Variants in MRC2 observed in about 807,000 individuals in gnomAD.
MRC2 encodes the protein mannose receptor C-type 2.
Under a neutral mutation model 206.2 loss-of-function variants are expected in MRC2, and 84 were observed. That is an observed-to-expected ratio of 0.41 (90% confidence interval 0.34 to 0.49). The LOEUF is 0.49. Ranked by LOEUF, MRC2 falls within the 20% of genes least tolerant of loss-of-function variation. The pLI is 0.31. For missense variants in MRC2, 1,676 were observed against 2,001.5 expected, an observed-to-expected ratio of 0.84 and a Z score of 3.10; for synonymous variants, 798 against 800.0, an observed-to-expected ratio of 1.00 and a Z score of 0.04.
chr17:62,668,344 G>A (rs953875991), intron 6 of MRC2, among the ~76,000 whole-genome samples: 102 of 145,758 alleles, frequency 7.0e-4, no homozygotes, highest in African/African-American at 2.6e-3. Flanking sequence ...AGAGCGAGAC[G>A]AGACCCTGCC....
chr17:62,653,327 C>A (rs2088579971), intron 1 of MRC2, among the ~76,000 whole-genome samples: 1 of 152,082 alleles, frequency 6.6e-6, no homozygotes, highest in South Asian at 2.1e-4. Flanking sequence ...CAGAGAACCC[C>A]AGGGGCGGGG....
chr17:62,672,121 G>A lies in MRC2; in HGVS notation c.1430G>A (p.Ser477Asn). 1.9e-6 allele frequency: 3 copies of A among 1,614,110 alleles called. No individual in the cohort carries two copies. Among genetic ancestry groups the A allele is most frequent in the Non-Finnish European group, 2.5e-6 (3 of 1,180,034 alleles). ...TTTGAGCCCAACAACTTCCGGGACAGTCTGGAGGACTGTGTCACCATCTGG... is the reference window on the plus strand; with the variant it reads ...TTTGAGCCCAACAACTTCCGGGACAATCTGGAGGACTGTGTCACCATCTGG... ...HPFEPNNFRD[S>N]LEDCVTIWGP... The change falls in exon 8 of 30, where the codon AGT becomes AAT. Residue 477 changes from serine (S) to asparagine (N), a missense_variant. Ser to Asn is a conservative substitution (Grantham distance 46). This residue lies in a region of MRC2 where 1,354 missense variants were observed against 1,636.6 expected (regional missense o/e 0.83). Coordinates refer to ENST00000303375, the MANE Select transcript of MRC2 (RefSeq NM_006039.5). This position sits in a 1 kb window ranked among gnomAD's most constrained non-coding sequence, Gnocchi z 4.5.
intron 1 of MRC2, among the ~76,000 whole-genome samples, chr17:62,636,461 A>ATTTTTTT (rs60774612): frequency 6.5e-5 from 5 of 76,944 alleles, no homozygotes; most frequent in Non-Finnish European, 1.2e-4. Context: ...TAATCTTCTG[A>ATTTTTTT]TTTTTTTTTT....
chr17:62,679,380 TAGAG>T (rs373312303), intron 13 of MRC2: 233 of 165,732 alleles, frequency 1.4e-3, no homozygotes, highest in African/African-American at 5.3e-3. Flanking sequence ...TGTGGGTTGA[TAGAG>T]AGGTTATTTG....
intron 1 of MRC2, among the ~76,000 whole-genome samples, chr17:62,645,515 ATATATATATATATTTTTT>A (rs1457713192): frequency 5.9e-5 from 4 of 67,736 alleles, no homozygotes; most frequent in African/African-American, 2.4e-4. Flanking sequence ...ATATATATAT[ATATATATATATATTTTTT>A]TTTTTTTTTT....
chr17:62,689,656 A>G lies in MRC2; in HGVS notation c.3469A>G (p.Asn1157Asp), dbSNP rs1417583729. 2 of 1,594,738 alleles carry G rather than the reference A, an allele frequency of 1.3e-6. No individual in the cohort carries two copies. Among genetic ancestry groups the G allele is most frequent in the Non-Finnish European group, 8.5e-7 (1 of 1,170,784 alleles). The change falls in exon 24 of 30, where the codon AAT becomes GAT. Residue 1157 changes from asparagine to aspartate, a missense_variant. Physicochemically the swap from Asn to Asp is conservative, Grantham distance 23 (BLOSUM62 1). Transcript: ENST00000303375. ...TGCCCTCCTGCTGTGTGAGAGCCGCAATGCCAGCCTGGCCTACGTGCCCGA... is the reference window on the plus strand; with the variant it reads ...TGCCCTCCTGCTGTGTGAGAGCCGCGATGCCAGCCTGGCCTACGTGCCCGA... ...HDALLLCESR[N>D]ASLAYVPDPY...
Position 62,680,408 on chromosome 17 carries a change from G to A in MRC2, c.2438-10G>A. The A allele has an allele frequency of 6.2e-7, 1 of 1,614,118 alleles. No homozygotes were observed. The highest frequency in any genetic ancestry group is 8.5e-7 in the Non-Finnish European group (1 of 1,179,990). On this transcript the variant is annotated splice_polypyrimidine_tract_variant and intron_variant, in intron 15 of 29. Coordinates refer to ENST00000303375, the MANE Select transcript of MRC2 (RefSeq NM_006039.5). The surrounding 1 kb of genome is among the most constrained non-coding windows in gnomAD (Gnocchi z 4.8). ...CTTTCCTCACAACGTCTTTGTCCTT[G>A]TTCCCCTAGGTACGGACGTGCGGGA...
chr17:62,660,378 G>A (rs1437709091), intron 1 of MRC2, among the ~76,000 whole-genome samples: 1 of 152,178 alleles, frequency 6.6e-6, no homozygotes, highest in Non-Finnish European at 1.5e-5. Flanking sequence ...AATCCTTGGT[G>A]ACTCCTGAAC....
chr17:62,632,620 C>T (rs1335722842), intron 1 of MRC2, among the ~76,000 whole-genome samples: 2 of 152,190 alleles, frequency 1.3e-5, no homozygotes, highest in Non-Finnish European at 2.9e-5. Flanking sequence ...CCCCTCCCCT[C>T]TTCTTTCCCA....
intron 1 of MRC2, among the ~76,000 whole-genome samples, chr17:62,634,279 AAT>A (rs1199241864): frequency 6.6e-6 from 1 of 152,174 alleles, no homozygotes; most frequent in Non-Finnish European, 1.5e-5. Context: ...TGTATAAAAA[AAT>A]GGGCAGTGAG....
chr17:62,634,366 T>G (rs964313744), intron 1 of MRC2, among the ~76,000 whole-genome samples: 1 of 152,002 alleles, frequency 6.6e-6, no homozygotes, highest in African/African-American at 2.4e-5. Context: ...GATGGCGTGG[T>G]CTTGGCTCAC....
chr17:62,648,353 G>A (rs565262796), intron 1 of MRC2, among the ~76,000 whole-genome samples: 2 of 152,212 alleles, frequency 1.3e-5, no homozygotes, highest in Non-Finnish European at 2.9e-5. Context: ...GCGTGACTGC[G>A]CAAGGGTCCT....
At chr17:62,670,394 C>A (rs2147470532) in intron 6 of MRC2, among the ~76,000 whole-genome samples, 1 of 152,318 alleles carries the variant, frequency 6.6e-6, no homozygotes, top group East Asian at 1.9e-4. Flanking sequence ...AGCCAGAGAG[C>A]GAGCCCACCG....
At position 62,636,425 on chromosome 17, in the gene MRC2, A is replaced by G. The variant is rs561101632; in HGVS notation, c.118+8505A>G. ...TAATCTTCCCAACCAAGATTCCCCA[A>G]TGAAGATTAGTAGTAGTTCATTGGG... On this transcript the variant is annotated intron_variant, in intron 1 of 29. Transcript: ENST00000303375. Among the ~76,000 whole-genome samples the G allele has an allele frequency of 5.3e-5, 8 of 151,576 alleles. No individual in the cohort carries two copies. In the South Asian group the frequency reaches 1.3e-3, roughly 24 times the overall value.
chr17:62,691,719 C>T (rs1245954146), intron 28 of MRC2, among the ~76,000 whole-genome samples: 7 of 145,968 alleles, frequency 4.8e-5, no homozygotes, highest in African/African-American at 7.6e-5. Flanking sequence ...TGCAGTGAGC[C>T]GAGATCGCAC....
intron 1 of MRC2, among the ~76,000 whole-genome samples, chr17:62,641,391 A>G (rs2088401906): frequency 6.6e-6 from 1 of 152,048 alleles, no homozygotes; most frequent in African/African-American, 2.4e-5. Flanking sequence ...TAGACCTAGA[A>G]ACAGGAACCT....
intron 6 of MRC2, among the ~76,000 whole-genome samples, chr17:62,670,220 C>T (rs558397663): frequency 6.6e-6 from 1 of 152,364 alleles, no homozygotes; most frequent in South Asian, 2.1e-4. Context: ...CCTGTCATTT[C>T]GAAGGCAGGC....
intron 2 of MRC2, among the ~76,000 whole-genome samples, chr17:62,665,679 C>A (rs562698237): frequency 6.6e-6 from 1 of 152,260 alleles, no homozygotes; most frequent in East Asian, 1.9e-4. Flanking sequence ...TTGTGGTGGA[C>A]AGCCCCGTCC....
rs201383621 is a variant in MRC2, at chr17:62,675,913, A to G, written c.1685+8A>G. On this transcript the variant is annotated splice_region_variant and intron_variant, in intron 10 of 29. Coordinates refer to ENST00000303375, the MANE Select transcript of MRC2 (RefSeq NM_006039.5). This position sits in a 1 kb window ranked among gnomAD's most constrained non-coding sequence, Gnocchi z 4.1. ...GGTCACCATCACCAACAGGTACAGC[A>G]GGGGCGGGTGCCCTGACTAGCCCTT... The G allele has an allele frequency of 1.2e-4, 198 of 1,612,872 alleles. No homozygotes were observed. The African/African-American group carries it at 2.1e-3, about 17-fold the overall frequency.
Sources: gnomAD v4.1 joint callset for allele counts (sites outside exome capture counted in the v4.1 genomes callset) on GRCh38, gnomAD v4.1.1 for gene constraint, gnomAD v4.1.1 regional missense constraint, Gnocchi (gnomAD v3.1) non-coding constraint, MANE v1.5 for transcripts, NCBI Gene and HGNC (gene_info 2026-07-23, HGNC 2026-07-21) for gene names.